HIBCH: variants seen among roughly 807,000 people sequenced by gnomAD.
The protein encoded by HIBCH is 3-hydroxyisobutyryl-CoA hydrolase.
Under a neutral mutation model 58.2 loss-of-function variants are expected in HIBCH, and 50 were observed. The ratio of observed to expected loss-of-function variants is 0.86; its 90% CI spans 0.68 to 1.09. HIBCH has a LOEUF of 1.09. Ranked by LOEUF, HIBCH falls within the 50% of genes least tolerant of loss-of-function variation. HIBCH has a pLI of 0.00. For missense variants in HIBCH, 450 were observed against 449.7 expected (o/e 1.00, Z -0.01); for synonymous variants, 151 against 146.9 (o/e 1.03, Z -0.20).
rs571904985 is a variant in HIBCH, at chr2:190,293,211, G to A, written c.304+1335C>T. Among the ~76,000 whole-genome samples, 4 of 152,280 alleles carry A rather than the reference G, an allele frequency of 2.6e-5. 1 individual carries two copies. In the South Asian group the frequency reaches 8.3e-4, roughly 32 times the overall value. ...TATTTTAAAAATATGCATGTTGTTG[G>A]GAGGCCGAGGCAGGCGGATCGCCTG... is the stretch of plus-strand genomic sequence containing the variant. On this transcript the variant is annotated intron_variant, in intron 4 of 13. Transcript: ENST00000359678.
chr2:190,262,487 G>C (rs528763921), intron 6 of HIBCH, among the ~76,000 whole-genome samples: 23 of 152,244 alleles, frequency 1.5e-4, no homozygotes, highest in African/African-American at 5.3e-4. Flanking sequence ...ATCACACAAC[G>C]TAAGTCTTTG....
chr2:190,251,286 GA>G (rs1319756355), intron 8 of HIBCH, among the ~76,000 whole-genome samples: 3 of 152,056 alleles, frequency 2.0e-5, no homozygotes, highest in Non-Finnish European at 2.9e-5. Context: ...CTATTCATCT[GA>G]TGACCATGTG....
rs910628163 is a variant in HIBCH, at chr2:190,243,464, C to A, written c.891+1423G>T. On this transcript the variant is annotated intron_variant, in intron 11 of 13. Transcript: ENST00000359678. The surrounding 1 kb of genome is among the most constrained non-coding windows in gnomAD (Gnocchi z 4.1). ...TTTCCCTCTAGAGAACCCTGATACA[C>A]CAACTTAAAGTCGGATTCCTTGAAT... Among the ~76,000 whole-genome samples, 2 of 152,162 alleles carry A rather than the reference C, an allele frequency of 1.3e-5. No homozygotes were observed. Among genetic ancestry groups the A allele is most frequent in the African/African-American group, 4.8e-5 (2 of 41,432 alleles).
At chr2:190,310,471 A>G (rs534148663) in intron 2 of HIBCH, among the ~76,000 whole-genome samples, 43 of 152,336 alleles carry the variant, frequency 2.8e-4, no homozygotes, top group Middle Eastern at 3.4e-3. Flanking sequence ...CACTTTATAC[A>G]TATCAAAAGG....
intron 1 of HIBCH, among the ~76,000 whole-genome samples, chr2:190,194,475 T>TACACAC (rs1491294431): frequency 6.3e-5 from 8 of 126,818 alleles, no homozygotes; most frequent in Non-Finnish European, 1.3e-4. Flanking sequence ...GTATCCTGTG[T>TACACAC]ATACACACAC....
At chr2:190,200,153 G>A (rs745669277), downstream of HIBCH, 1 of 1,612,036 alleles carries the variant, frequency 6.2e-7, no homozygotes. Context: ...CCTTGAGGCT[G>A]TAGGATGACA....
intron 9 of HIBCH, among the ~76,000 whole-genome samples, chr2:190,248,599 T>C (rs1310898978): frequency 6.6e-6 from 1 of 152,162 alleles, no homozygotes; most frequent in African/African-American, 2.4e-5. Context: ...GCAGTGCTCA[T>C]GGCTATAATC....
At chr2:190,261,687 C>G (rs1475699818) in intron 6 of HIBCH, among the ~76,000 whole-genome samples, 1 of 152,182 alleles carries the variant, frequency 6.6e-6, no homozygotes, top group Admixed American at 6.5e-5. Context: ...CCTGGCCTAG[C>G]TGACCTCTTT....
rs1375737418 is a variant in HIBCH, at chr2:190,204,793, A to G, written c.*324T>C. 1 of 262,284 alleles carries G rather than the reference A, an allele frequency of 3.8e-6. No individual in the cohort carries two copies. Among genetic ancestry groups the G allele is most frequent in the Non-Finnish European group, 7.4e-6 (1 of 135,928 alleles). The allele number at this position is 262,284 out of a possible 1,614,324, so 16.2% of individuals were successfully genotyped here. ...TCCATCTTCTAAAACAAGGATTGACAAACTTTTTTCTGACAAAAACCAGAC... is the reference window on the plus strand; with the variant it reads ...TCCATCTTCTAAAACAAGGATTGACGAACTTTTTTCTGACAAAAACCAGAC... On this transcript the variant is annotated 3_prime_UTR_variant, in exon 14 of 14. Transcript: ENST00000359678.
At position 190,218,870 on chromosome 2, in the gene HIBCH, A is replaced by T. The variant is rs151152916; in HGVS notation, c.892-5795T>A. ...GCGATCCCTTCTTTCTCCATAGGGA[A>T]TATAAACCACTCCTCTTGCCTCTCT... On this transcript the variant is annotated intron_variant, in intron 11 of 13. Transcript: ENST00000359678. Among the ~76,000 whole-genome samples, 511 of 152,346 alleles carry T rather than the reference A, an allele frequency of 3.4e-3. 4 individuals carry two copies. Among genetic ancestry groups the T allele is most frequent in the Non-Finnish European group, 5.5e-3 (373 of 68,042 alleles).
intron 4 of HIBCH, among the ~76,000 whole-genome samples, chr2:190,291,832 C>A (rs1257782401): frequency 2.6e-5 from 4 of 152,232 alleles, no homozygotes; most frequent in Non-Finnish European, 5.9e-5. Context: ...TATACTGCAA[C>A]TCATATGCCT....
At chr2:190,274,252 C>A (rs910460105) in intron 6 of HIBCH, among the ~76,000 whole-genome samples, 1 of 152,170 alleles carries the variant, frequency 6.6e-6, no homozygotes, top group Admixed American at 6.5e-5. Flanking sequence ...AAAAGGTACC[C>A]ATTATGTCTA....
rs145848056 is a variant in HIBCH at position 190,231,752 on chromosome 2, G to A, written c.891+13135C>T. ...GGAAGGAAGGGAGAGAGGGAGAGGA[G>A]AAGAAAAGGAGAAGAAGGAATAAAG... On this transcript the variant is annotated intron_variant, in intron 11 of 13. Coordinates refer to ENST00000359678, the MANE Select transcript of HIBCH (RefSeq NM_014362.4). 2.8e-4 allele frequency among the ~76,000 whole-genome samples: 42 copies of A among 151,792 alleles called. No individual in the cohort carries two copies. In the East Asian group the frequency reaches 7.4e-3, roughly 27 times the overall value.
intron 11 of HIBCH, among the ~76,000 whole-genome samples, chr2:190,239,714 G>C (rs909632920): frequency 1.1e-4 from 16 of 149,400 alleles, no homozygotes; most frequent in Non-Finnish European, 2.1e-4. Flanking sequence ...CAATGGTATG[G>C]TCTCAGGTCA....
At chr2:190,249,204 G>A (rs1686694398) in intron 9 of HIBCH, among the ~76,000 whole-genome samples, 1 of 152,192 alleles carries the variant, frequency 6.6e-6, no homozygotes, top group Non-Finnish European at 1.5e-5. Flanking sequence ...AAGTTATGGA[G>A]TGTTTTTAAA....
At chr2:190,244,376 T>C (rs1195046673) in intron 11 of HIBCH, among the ~76,000 whole-genome samples, 2 of 152,140 alleles carry the variant, frequency 1.3e-5, no homozygotes, top group Non-Finnish European at 1.5e-5. Flanking sequence ...GATCAAAGTG[T>C]ACCTAACACA....
intron 11 of HIBCH, among the ~76,000 whole-genome samples, chr2:190,229,940 T>C (rs1308166283): frequency 6.6e-6 from 1 of 152,080 alleles, no homozygotes; most frequent in Admixed American, 6.5e-5. Context: ...GTAGCAAAAG[T>C]CCAAAATAAT....
chr2:190,272,401 A>C (rs932244496), intron 6 of HIBCH, among the ~76,000 whole-genome samples: 15 of 152,174 alleles, frequency 9.9e-5, no homozygotes, highest in Admixed American at 9.8e-4. Flanking sequence ...TCCTTAGGGG[A>C]ATGAGCTCGT....
intron 10 of HIBCH, chr2:190,245,208 T>C (rs955776020): frequency 4.5e-6 from 2 of 444,400 alleles, no homozygotes; most frequent in African/African-American, 4.0e-5. Flanking sequence ...CTGTTATATT[T>C]CCATGTAAAG....
Sources: gnomAD v4.1 joint callset for allele counts (sites outside exome capture counted in the v4.1 genomes callset) on GRCh38, gnomAD v4.1.1 for gene constraint, Gnocchi (gnomAD v3.1) non-coding constraint, MANE v1.5 for transcripts, NCBI Gene and HGNC (gene_info 2026-07-23, HGNC 2026-07-21) for gene names.